CTNNA2: variants seen among roughly 807,000 people sequenced by gnomAD.
CTNNA2 encodes catenin alpha 2.
Under a neutral mutation model 101.0 loss-of-function variants are expected in CTNNA2, and 42 were observed. The ratio of observed to expected loss-of-function variants is 0.42; its 90% confidence interval spans 0.32 to 0.54. The LOEUF (loss-of-function observed/expected upper bound fraction) is 0.54, where lower values mean the gene tolerates loss of function less well. Ranked by LOEUF, CTNNA2 falls within the 20% of genes least tolerant of loss-of-function variation. The pLI, the probability that CTNNA2 is intolerant of heterozygous loss-of-function variation, is 0.14. For missense variants in CTNNA2, 871 were observed against 1,223.1 expected (o/e 0.71, Z 4.29); for synonymous variants, 450 against 456.4 (o/e 0.99, Z 0.18).
chr2:79,845,342 G>A (rs1680154076), intron 3 of CTNNA2, among the ~76,000 whole-genome samples: 1 of 151,906 alleles, frequency 6.6e-6, no homozygotes, highest in Admixed American at 6.6e-5. Context: ...GAAAGTGTCT[G>A]CTACATGGCA....
chr2:80,347,838 C>CTT lies in CTNNA2; in HGVS notation c.1057-45370_1057-45369dup, dbSNP rs778989197. 3.5e-3 allele frequency among the ~76,000 whole-genome samples: 517 copies of CTT among 146,844 alleles called. 12 individuals carry two copies. The highest frequency in any genetic ancestry group is 0.024 in the South Asian group (111 of 4,674). On this transcript the variant is annotated intron_variant, in intron 7 of 18. Transcript: ENST00000402739. ...CACATTATCTTTTCCTTTTTCTTTTCTTTTCTTTTTTTTTTTCCAGAAGGG... is the reference window on the plus strand; with the variant it reads ...CACATTATCTTTTCCTTTTTCTTTTCTTTTTTCTTTTTTTTTTTCCAGAAGGG...
At chr2:80,155,071 AT>A (rs1703930256) in intron 7 of CTNNA2, among the ~76,000 whole-genome samples, 1 of 152,224 alleles carries the variant, frequency 6.6e-6, no homozygotes, top group Admixed American at 6.5e-5. Flanking sequence ...TGTCTAGCTT[AT>A]TTAAGGACAG....
At chr2:79,501,993 G>T (rs973641655) in intron 4 of CTNNA2, among the ~76,000 whole-genome samples, 5 of 143,924 alleles carry the variant, frequency 3.5e-5, no homozygotes, top group Non-Finnish European at 6.0e-5. Context: ...TTAGTTCAAG[G>T]CCCTGCAATT....
At chr2:80,094,522 G>GT (rs1325773315) in intron 7 of CTNNA2, among the ~76,000 whole-genome samples, 2 of 152,172 alleles carry the variant, frequency 1.3e-5, no homozygotes, top group South Asian at 2.1e-4. Flanking sequence ...CTTTAAAGTA[G>GT]TTTTTTCTAA....
At chr2:79,678,542 CAAAAA>C (rs569707654) in intron 2 of CTNNA2, among the ~76,000 whole-genome samples, 1 of 99,032 alleles carries the variant, frequency 1.0e-5, no homozygotes, top group Non-Finnish European at 2.2e-5. Context: ...CTCAAACAAA[CAAAAA>C]AAAAAAAAAA....
rs566879233 is a variant in CTNNA2 at position 79,216,772 on chromosome 2, G to T, written c.-406+18696G>T. Among the ~76,000 whole-genome samples, 5 of 151,452 alleles carry T rather than the reference G, an allele frequency of 3.3e-5. No homozygotes were observed. The East Asian group carries it at 9.8e-4, about 30-fold the overall frequency. ...GTGAAGAAGGGGTTGGGGGGTTCTTGCCCCCAGAAAAGCAGAGAAGGGGTA... is the reference window on the plus strand; with the variant it reads ...GTGAAGAAGGGGTTGGGGGGTTCTTTCCCCCAGAAAAGCAGAGAAGGGGTA... On this transcript the variant is annotated intron_variant, in intron 2 of 21. Transcript: ENST00000466387.
At chr2:80,055,201 T>C (rs556619344) in intron 7 of CTNNA2, among the ~76,000 whole-genome samples, 74 of 152,148 alleles carry the variant, frequency 4.9e-4, no homozygotes, top group Non-Finnish European at 9.0e-4. Context: ...TCACTTCTTT[T>C]CATTTTTTTA....
At chr2:80,145,822 T>A (rs1445349301) in intron 7 of CTNNA2, among the ~76,000 whole-genome samples, 2 of 152,224 alleles carry the variant, frequency 1.3e-5, no homozygotes, top group East Asian at 3.9e-4. Context: ...TTTTAAAAAT[T>A]CTCCATTTGC....
intron 3 of CTNNA2, among the ~76,000 whole-genome samples, chr2:79,756,042 AG>A (rs887191405): frequency 6.8e-6 from 1 of 146,770 alleles, no homozygotes; most frequent in African/African-American, 2.5e-5. Flanking sequence ...TGTATGCCAA[AG>A]TTTGCATTAG....
At chr2:79,624,330 T>G (rs1679175367) in intron 1 of CTNNA2, among the ~76,000 whole-genome samples, 1 of 145,864 alleles carries the variant, frequency 6.9e-6, no homozygotes, top group Non-Finnish European at 1.5e-5. Context: ...TGAATTTCAT[T>G]AGGCTTTTTT....
chr2:79,842,334 G>A (rs1679885378), intron 3 of CTNNA2, among the ~76,000 whole-genome samples: 1 of 152,098 alleles, frequency 6.6e-6, no homozygotes, highest in Non-Finnish European at 1.5e-5. Context: ...CTGTGCCTCA[G>A]TCTCTTCATG....
intron 15 of CTNNA2, chr2:80,602,133 C>CT (rs1212880813): frequency 1.3e-5 from 2 of 152,050 alleles, no homozygotes; most frequent in Non-Finnish European, 2.9e-5. Context: ...TACCCTCATA[C>CT]CCATGTTGCG....
intron 3 of CTNNA2, among the ~76,000 whole-genome samples, chr2:79,318,604 C>T (rs533417178): frequency 6.6e-6 from 1 of 152,290 alleles, no homozygotes; most frequent in South Asian, 2.1e-4. Context: ...TACCCTATAT[C>T]CTACAGGAAA....
chr2:80,239,769 A>G (rs767400577), intron 7 of CTNNA2, among the ~76,000 whole-genome samples: 13 of 151,954 alleles, frequency 8.6e-5, no homozygotes, highest in Non-Finnish European at 1.5e-4. Flanking sequence ...AAAATTAGCC[A>G]GGCGTGATGG....
intron 7 of CTNNA2, among the ~76,000 whole-genome samples, chr2:80,380,146 C>T (rs1240062831): frequency 6.7e-6 from 1 of 150,152 alleles, no homozygotes; most frequent in Non-Finnish European, 1.5e-5. Context: ...ACGCCATTCT[C>T]CTGCCTCAGC....
chr2:80,448,047 T>C (rs1683210771), intron 9 of CTNNA2, among the ~76,000 whole-genome samples: 1 of 152,236 alleles, frequency 6.6e-6, no homozygotes, highest in South Asian at 2.1e-4. Context: ...CCTTTATTAC[T>C]GCACTTAGTT....
In CTNNA2 at chr2:80,338,952, C is replaced by T. The variant is rs559967571; in HGVS notation, c.1057-54259C>T. On this transcript the variant is annotated intron_variant, in intron 7 of 18. Coordinates refer to ENST00000402739, the MANE Select transcript of CTNNA2 (RefSeq NM_001282597.3). ...GAACAGGAATGCACATTTTCTATCC[C>T]TGATTACAATCAGAGCTGGCTATTT... Among the ~76,000 whole-genome samples the T allele has an allele frequency of 4.6e-5, 7 of 152,272 alleles. No individual in the cohort carries two copies. The South Asian group carries it at 1.5e-3, about 32-fold the overall frequency.
intron 7 of CTNNA2, among the ~76,000 whole-genome samples, chr2:80,220,341 G>A (rs1348021682): frequency 6.6e-6 from 1 of 152,206 alleles, no homozygotes; most frequent in African/African-American, 2.4e-5. Flanking sequence ...AATAATAGAA[G>A]ACTCATCAGC....
chr2:80,391,538 A>G (rs922811761), intron 7 of CTNNA2, among the ~76,000 whole-genome samples: 1 of 152,198 alleles, frequency 6.6e-6, no homozygotes, highest in African/African-American at 2.4e-5. Context: ...GGAAATTATG[A>G]TTTTCAGAAG....
Sources: gnomAD v4.1 joint callset for allele counts (sites outside exome capture counted in the v4.1 genomes callset) on GRCh38, gnomAD v4.1.1 for gene constraint, MANE v1.5 for transcripts, NCBI Gene and HGNC (gene_info 2026-07-23, HGNC 2026-07-21) for gene names.